DNAI3: variants seen among roughly 807,000 people sequenced by gnomAD.
DNAI3 encodes the protein WD repeat domain 63.
A neutral mutation model predicts 115.5 loss-of-function variants in DNAI3; 83 were observed. That is an observed-to-expected ratio of 0.72 (90% CI 0.60 to 0.86). The LOEUF (loss-of-function observed/expected upper bound fraction) is 0.86, where lower values mean the gene tolerates loss of function less well. Among genes scored for constraint, DNAI3 ranks in the 40% least tolerant of loss-of-function variants. The pLI, the probability that DNAI3 is intolerant of heterozygous loss-of-function variation, is 0.00. For synonymous variants in DNAI3, 320 were observed against 347.0 expected, an observed-to-expected ratio of 0.92 and a Z score of 0.86; for missense variants, 1,004 against 1,075.8, an observed-to-expected ratio of 0.93 and a Z score of 0.93.
At chr1:85,072,641 CAA>C (rs1243036939) in intron 2 of DNAI3, among the ~76,000 whole-genome samples, 10 of 101,378 alleles carry the variant, frequency 9.9e-5, no homozygotes, top group Non-Finnish European at 2.0e-5. Context: ...GACTCCATCT[CAA>C]AAAAAAAAAA....
chr1:85,066,473 C>G (rs1654101957), intron 1 of DNAI3, among the ~76,000 whole-genome samples: 2 of 151,722 alleles, frequency 1.3e-5, no homozygotes, highest in Admixed American at 1.3e-4. Context: ...ACTACAGGCG[C>G]CTGCCACCAC....
At chr1:85,101,250 G>A (rs2100589525) in intron 13 of DNAI3, among the ~76,000 whole-genome samples, 1 of 152,160 alleles carries the variant, frequency 6.6e-6, no homozygotes, top group South Asian at 2.1e-4. Flanking sequence ...ATGATGCAAA[G>A]CAATGATACT....
At chr1:85,063,817 G>A (rs1654012573) in intron 1 of DNAI3, among the ~76,000 whole-genome samples, 1 of 152,140 alleles carries the variant, frequency 6.6e-6, no homozygotes, top group South Asian at 2.1e-4. Context: ...ATGATCTAGG[G>A]CAGAGGATTC....
At chr1:85,117,615 G>C (rs368484647) in intron 16 of DNAI3, 114 bp from the exon 17 acceptor site, 1 of 1,408,214 alleles carries the variant, frequency 7.1e-7, no homozygotes, top group South Asian at 1.3e-5. Context: ...TCACTACATT[G>C]GGAAGGGAAT....
chr1:85,092,535 G>A (rs899037316), intron 8 of DNAI3, among the ~76,000 whole-genome samples: 6 of 152,050 alleles, frequency 3.9e-5, no homozygotes, highest in Admixed American at 2.0e-4. Context: ...GCAACTTTGG[G>A]AGTATGCAGA....
chr1:85,073,126 C>T, intron 3 of DNAI3, 34 bp downstream of exon 3: 1 of 1,468,324 alleles, frequency 6.8e-7, no homozygotes, highest in South Asian at 1.4e-5. Context: ...CTTACATCCT[C>T]AGTTTTATAA....
chr1:85,108,220 C>T lies in DNAI3; in HGVS notation c.1698+43C>T, dbSNP rs754292256. ...TTTAGTCCATCCTGCTTGCATAATA[C>T]ACTATTTACTTTGCATGCATAGACA... On this transcript the variant is annotated intron_variant, in intron 15 of 22. Transcript: ENST00000294664. The T allele has an allele frequency of 1.0e-5, 15 of 1,505,664 alleles. No homozygotes were observed. The Admixed American group carries it at 3.3e-4, about 33-fold the overall frequency. 93.3% of individuals were successfully genotyped at this position (1,505,664 alleles called of 1,614,324 possible).
Position 85,097,704 on chromosome 1 carries a change from T to C in DNAI3, c.1350+49T>C, listed in dbSNP as rs761130297. On this transcript the variant is annotated intron_variant, in intron 12 of 22. Transcript: ENST00000294664. ...TTGCAAGTTTTTTCCATTGAAGAGT[T>C]TATGGAAAAGTACATAATATAGTTG... 2.6e-6 allele frequency: 4 copies of C among 1,528,422 alleles called. No individual in the cohort carries two copies. In the South Asian group the frequency reaches 4.9e-5, roughly 19 times the overall value. The allele number at this position is 1,528,422 out of a possible 1,614,324, so 94.7% of individuals were successfully genotyped here.
At position 85,081,326 on chromosome 1, in the gene DNAI3, T is replaced by C; in HGVS notation, c.196T>C (p.Tyr66His). 6.2e-7 allele frequency: 1 copy of C among 1,607,438 alleles called. No homozygotes were observed. The highest frequency in any genetic ancestry group is 8.5e-7 in the Non-Finnish European group (1 of 1,177,964). Reference protein sequence around the residue: ...IDEDVTDEQPYKLINKEDIFE... With the variant: ...IDEDVTDEQPHKLINKEDIFE... ...TGAAGATGTCACAGATGAACAACCT[T>C]ATAAGCTTATCAATAAAGAAGACAT... Residue 66 changes from tyrosine (Y) to histidine (H), a missense_variant, in exon 4 of 23, where the codon TAT (tyrosine) becomes CAT (histidine). By Grantham distance (83) the Tyr-to-His change is moderately conservative. Coordinates refer to ENST00000294664, the MANE Select transcript of DNAI3 (RefSeq NM_145172.5).
Position 85,128,706 on chromosome 1 carries a change from A to G in DNAI3, c.2318-2A>G, listed in dbSNP as rs1184436561. On this transcript the variant is annotated splice_acceptor_variant, in intron 20 of 22. Coordinates refer to ENST00000294664, the MANE Select transcript of DNAI3 (RefSeq NM_145172.5). LOFTEE classifies it high-confidence loss of function. ...TCCTCCCATTTATTTTAAAATTTTC[A>G]GCTAAACAGCAATTTATAGCCACAG... 19 of 1,601,908 alleles carry G rather than the reference A, an allele frequency of 1.2e-5. No homozygotes were observed. The highest frequency in any genetic ancestry group is 1.5e-5 in the Non-Finnish European group (18 of 1,177,078).
intron 12 of DNAI3, 120 bp from the exon 13 acceptor site, chr1:85,098,410 G>A (rs1264721637): frequency 2.5e-6 from 3 of 1,200,598 alleles, no homozygotes; most frequent in East Asian, 2.5e-5. Context: ...ACTAATTTAT[G>A]TTTTTCCTTG....
chr1:85,110,156 A>T (rs111275068), intron 16 of DNAI3, 21 bp downstream of exon 16: 58 of 228,988 alleles, frequency 2.5e-4, no homozygotes, highest in East Asian at 4.6e-4. Context: ...TTGCTTATTT[A>T]AAAAAAAAAA....
chr1:85,093,986 A>T, intron 9 of DNAI3: 2 of 474,554 alleles, frequency 4.2e-6, no homozygotes, highest in South Asian at 1.7e-5. Context: ...TCCTCCTAAC[A>T]CTGCCTTTCT....
At position 85,109,941 on chromosome 1, in the gene DNAI3, G is replaced by A; in HGVS notation, c.1699-107G>A. The A allele has an allele frequency of 6.0e-6, 6 of 1,001,440 alleles. No individual in the cohort carries two copies. The South Asian group carries it at 9.0e-5, about 15-fold the overall frequency. 62.0% of individuals were successfully genotyped at this position (1,001,440 alleles called of 1,614,324 possible). A position where few individuals can be genotyped will look rare whatever the true frequency, so the allele number is the denominator to read the frequency against. ...GAAAGGGAAGGAAGAAAAAAAAGGA[G>A]GTGGGTTTCCTTCAATATGGGAGCA... On this transcript the variant is annotated intron_variant, in intron 15 of 22. Coordinates refer to ENST00000294664, the MANE Select transcript of DNAI3 (RefSeq NM_145172.5).
chr1:85,098,487 G>C (rs1353474166), intron 12 of DNAI3, 43 bp from the exon 13 acceptor site: 53 of 1,599,338 alleles, frequency 3.3e-5, no homozygotes, highest in Non-Finnish European at 4.4e-5. Context: ...TCATTCATCA[G>C]CCCTCTGAAA....
chr1:85,091,957 A>G (rs900259765), intron 8 of DNAI3, among the ~76,000 whole-genome samples: 9 of 152,230 alleles, frequency 5.9e-5, no homozygotes, highest in African/African-American at 1.4e-4. Context: ...TCTCTTGAGA[A>G]TTCCCTTCTC....
intron 6 of DNAI3, 95 bp from the exon 7 acceptor site, chr1:85,085,736 C>T: frequency 9.9e-7 from 1 of 1,012,950 alleles, no homozygotes; most frequent in Non-Finnish European, 1.5e-6. Context: ...ACAGAAAGTG[C>T]ACAAAGGGCT....
intron 3 of DNAI3, among the ~76,000 whole-genome samples, chr1:85,078,236 A>G (rs1414848713): frequency 6.6e-6 from 1 of 152,210 alleles, no homozygotes; most frequent in African/African-American, 2.4e-5. Flanking sequence ...CAACTTCCAG[A>G]GGCTGACCTT....
intron 21 of DNAI3, among the ~76,000 whole-genome samples, chr1:85,129,525 ATTGATACTCTCATCTGGGTTTTCTAAGT>A (rs1159897780): frequency 6.6e-6 from 1 of 151,852 alleles, no homozygotes; most frequent in Admixed American, 6.6e-5. Context: ...TAGGATCTAC[ATTGATACTCTCATCTGGGTTTTCTAAGT>A]TTGATTGATG....
Sources: allele counts gnomAD v4.1 joint callset (sites outside exome capture counted in the v4.1 genomes callset), GRCh38; gene constraint gnomAD v4.1.1; transcripts MANE v1.5; gene names NCBI Gene and HGNC (gene_info 2026-07-23, HGNC 2026-07-21).